Variants in DCC observed in about 807,000 individuals in gnomAD.
DCC encodes netrin receptor DCC.
DCC carries 58 observed loss-of-function variants against 172.5 expected under a neutral mutation model. That is an observed-to-expected ratio of 0.34 (90% CI 0.27 to 0.42). DCC has a LOEUF of 0.42. Among genes scored for constraint, DCC ranks in the 10% least tolerant of loss-of-function variants. The pLI, the probability that DCC is intolerant of heterozygous loss-of-function variation, is 1.00. For missense variants in DCC, 1,740 were observed against 1,791.0 expected, an observed-to-expected ratio of 0.97 and a Z score of 0.51; for synonymous variants, 709 against 644.5, an observed-to-expected ratio of 1.10 and a Z score of -1.52.
chr18:52,443,138 C>T (rs779830557), intron 1 of DCC, among the ~76,000 whole-genome samples: 11 of 152,228 alleles, frequency 7.2e-5, no homozygotes, highest in Admixed American at 2.0e-4. Flanking sequence ...ATTCAGCCAA[C>T]ACCACTGGTC....
At chr18:53,166,569 A>G (rs780693753) in intron 8 of DCC, among the ~76,000 whole-genome samples, 2 of 152,026 alleles carry the variant, frequency 1.3e-5, no homozygotes, top group Non-Finnish European at 1.5e-5. Context: ...TTTCACCCCA[A>G]CTCCCAAGAT....
intron 26 of DCC, among the ~76,000 whole-genome samples, chr18:53,498,514 G>A (rs1216961128): frequency 6.9e-6 from 1 of 144,096 alleles, no homozygotes; most frequent in Admixed American, 7.0e-5. Context: ...CATTAACAAG[G>A]AAAACTTCCT....
intron 5 of DCC, among the ~76,000 whole-genome samples, chr18:53,048,435 G>A (rs1045114372): frequency 2.0e-5 from 3 of 150,434 alleles, no homozygotes; most frequent in South Asian, 2.1e-4. Context: ...CTCCATCCAC[G>A]TTGCTTTAGA....
intron 3 of DCC, among the ~76,000 whole-genome samples, chr18:52,911,322 A>G (rs1435904210): frequency 6.6e-6 from 1 of 152,072 alleles, no homozygotes; most frequent in Non-Finnish European, 1.5e-5. Flanking sequence ...GAAATTTGGA[A>G]GGTTTGCATA....
Position 53,351,401 on chromosome 18 carries a change from G to A in DCC, c.2359+11494G>A, listed in dbSNP as rs10585225. On this transcript the variant is annotated intron_variant, in intron 15 of 28. Transcript: ENST00000442544. The stretch of plus-strand genomic sequence containing the variant: ...TATATACAGTATATATATATACAGT[G>A]TATATATATATATATACACACTGTG... Among the ~76,000 whole-genome samples, 30 of 11,946 alleles carry A rather than the reference G, an allele frequency of 2.5e-3. 3 individuals are homozygous for A. The highest frequency in any genetic ancestry group is 0.056 in the Middle Eastern group (1 of 18). 7.8% of individuals were successfully genotyped at this position (11,946 alleles called of 152,430 possible). A position where few individuals can be genotyped will look rare whatever the true frequency, so the allele number is the denominator to read the frequency against.
At chr18:52,491,682 A>T (rs1290038971) in intron 1 of DCC, among the ~76,000 whole-genome samples, 1 of 151,882 alleles carries the variant, frequency 6.6e-6, no homozygotes, top group African/African-American at 2.4e-5. Context: ...GGGAGAGGAG[A>T]TGTATTTTGT....
At chr18:53,304,367 T>A (rs1599003420) in intron 12 of DCC, among the ~76,000 whole-genome samples, 1 of 152,142 alleles carries the variant, frequency 6.6e-6, no homozygotes, top group Non-Finnish European at 1.5e-5. Flanking sequence ...TGACTGCTTT[T>A]TTTTTCTCTA....
chr18:52,489,479 T>C (rs1318349002), intron 1 of DCC, among the ~76,000 whole-genome samples: 1 of 152,124 alleles, frequency 6.6e-6, no homozygotes, highest in East Asian at 1.9e-4. Flanking sequence ...GAAATAAATG[T>C]TATATGCTGA....
At chr18:53,449,199 C>G (rs563143222) in intron 22 of DCC, among the ~76,000 whole-genome samples, 1 of 152,174 alleles carries the variant, frequency 6.6e-6, no homozygotes, top group East Asian at 1.9e-4. Flanking sequence ...TTTATACTTT[C>G]TAAATTATTT....
chr18:53,253,811 T>A (rs2056471938), intron 12 of DCC, among the ~76,000 whole-genome samples: 1 of 151,994 alleles, frequency 6.6e-6, no homozygotes. Flanking sequence ...ATCCATGACA[T>A]TTTTATTTAC....
chr18:53,377,000 T>C (rs1907336315), intron 15 of DCC, among the ~76,000 whole-genome samples: 1 of 152,154 alleles, frequency 6.6e-6, no homozygotes, highest in Non-Finnish European at 1.5e-5. Flanking sequence ...ACTTTCAATA[T>C]CTTTTCCACT....
chr18:52,466,276 C>A lies in DCC; in HGVS notation c.91+125398C>A, dbSNP rs115747624. 2.7e-3 allele frequency among the ~76,000 whole-genome samples: 409 copies of A among 152,194 alleles called. 3 individuals carry two copies. Among genetic ancestry groups the A allele is most frequent in the African/African-American group, 9.6e-3 (399 of 41,522 alleles). On this transcript the variant is annotated intron_variant, in intron 1 of 28. Coordinates refer to ENST00000442544, the MANE Select transcript of DCC (RefSeq NM_005215.4). ...GCCACGAAGACACTGGAAAATATGT[C>A]CATGGTGGGTCTAACATAAAAATAG...
At chr18:52,478,371 T>A (rs563047598) in intron 1 of DCC, among the ~76,000 whole-genome samples, 65 of 152,276 alleles carry the variant, frequency 4.3e-4, no homozygotes, top group African/African-American at 1.5e-3. Context: ...TGCTGAAGGG[T>A]TTATGAGTAA....
Position 52,534,586 on chromosome 18 carries a change from C to T in DCC, c.91+193708C>T, listed in dbSNP as rs139505500. Among the ~76,000 whole-genome samples, 518 of 152,132 alleles carry T rather than the reference C, an allele frequency of 3.4e-3. 11 individuals are homozygous for T. Among genetic ancestry groups the T allele is most frequent in the African/African-American group, 0.012 (483 of 41,508 alleles). ...CTGAGAGTCTAATGTACATTAGGCCCGCAGTAGGTGCTGTGATTCAGAAAG... is the reference window on the plus strand; with the variant it reads ...CTGAGAGTCTAATGTACATTAGGCCTGCAGTAGGTGCTGTGATTCAGAAAG... On this transcript the variant is annotated intron_variant, in intron 1 of 28. Coordinates refer to ENST00000442544, the MANE Select transcript of DCC (RefSeq NM_005215.4).
intron 2 of DCC, among the ~76,000 whole-genome samples, chr18:52,903,765 C>T (rs2039841580): frequency 6.6e-6 from 1 of 152,170 alleles, no homozygotes; most frequent in African/African-American, 2.4e-5. Context: ...CCTACATAAG[C>T]CTCATATCTG....
At chr18:52,997,833 T>G (rs908626249) in intron 5 of DCC, among the ~76,000 whole-genome samples, 8 of 152,040 alleles carry the variant, frequency 5.3e-5, no homozygotes, top group African/African-American at 1.4e-4. Flanking sequence ...TGTGTCTTTA[T>G]GATATTCTTT....
At chr18:53,421,907 A>G (rs1568120961) in intron 21 of DCC, among the ~76,000 whole-genome samples, 1 of 152,182 alleles carries the variant, frequency 6.6e-6, no homozygotes. Context: ...TGCATTGTGC[A>G]CATGCAATCC....
intron 5 of DCC, among the ~76,000 whole-genome samples, chr18:53,033,852 CTT>C (rs2143969277): frequency 1.3e-5 from 2 of 152,194 alleles, no homozygotes; most frequent in Non-Finnish European, 2.9e-5. Flanking sequence ...TCCAACAAAA[CTT>C]TGCTTATTAA....
At chr18:52,883,057 A>G (rs2039510416) in intron 2 of DCC, among the ~76,000 whole-genome samples, 3 of 152,202 alleles carry the variant, frequency 2.0e-5, no homozygotes, top group African/African-American at 7.2e-5. Flanking sequence ...TTTGTCTAAT[A>G]CAAGTATAGC....
Sources: allele counts gnomAD v4.1 joint callset (sites outside exome capture counted in the v4.1 genomes callset), GRCh38; gene constraint gnomAD v4.1.1; transcripts MANE v1.5; gene names NCBI Gene and HGNC (gene_info 2026-07-23, HGNC 2026-07-21).